The following KRT15 variants were observed in gnomAD, a reference collection of about 807,000 sequenced individuals.
The protein encoded by KRT15 is keratin, type I cytoskeletal 15.
A neutral mutation model predicts 46.6 loss-of-function variants in KRT15; 45 were observed. The observed-to-expected ratio is 0.97, with a 90% CI of 0.76 to 1.24. The LOEUF is 1.24. KRT15 is among the 50% of genes most tolerant of loss of function. The pLI is 0.00. For synonymous variants in KRT15, 221 were observed against 233.8 expected, an observed-to-expected ratio of 0.95 and a Z score of 0.50; for missense variants, 592 against 588.9, an observed-to-expected ratio of 1.01 and a Z score of -0.05.
At position 41,518,388 on chromosome 17, in the gene KRT15, G is replaced by C; in HGVS notation, c.440C>G (p.Thr147Ser). The C allele has an allele frequency of 4.3e-6, 7 of 1,614,016 alleles. No homozygotes were observed. Among genetic ancestry groups the C allele is most frequent in the Non-Finnish European group, 5.9e-6 (7 of 1,179,974 alleles). Residue 147 changes from threonine (T) to serine (S), a missense_variant, in exon 1 of 8, where the codon ACC (threonine) becomes AGC (serine). Thr to Ser is a moderately conservative substitution (Grantham distance 58). Transcript: ENST00000254043. Reference protein sequence around the residue: ...IHDWYQKQTPTSPECDYSQYF... With the variant: ...IHDWYQKQTPSSPECDYSQYF... ...TTGGCTGTAGTCGCATTCTGGGCTG[G>C]TTGGGGTCTGCTTCTGGTACCAGTC... is the stretch of plus-strand genomic sequence containing the variant.
chr17:41,516,829 G>T lies in KRT15; in HGVS notation c.717C>A (p.Tyr239Ter), dbSNP rs778754977. 6.2e-7 allele frequency: 1 copy of T among 1,614,212 alleles called. No individual in the cohort carries two copies. Among genetic ancestry groups the T allele is most frequent in the Non-Finnish European group, 8.5e-7 (1 of 1,180,042 alleles). ...QIEGLNEELA[Y>*]LKKNHEEEMK... ...TCACCTCTTCGTGGTTCTTCTTCAG[G>T]TAGGCTAGCTCCTCATTCAGGCCCT... The change falls in exon 3 of 8, where the codon TAC becomes TAA. Residue 239 changes from tyrosine to a stop codon, truncating the protein, a stop_gained. Transcript: ENST00000254043. LOFTEE classifies it high-confidence loss of function.
At position 41,515,642 on chromosome 17, in the gene KRT15, C is replaced by T. The variant is rs760125731; in HGVS notation, c.1077G>A (p.Thr359=). 21 of 1,614,188 alleles carry T rather than the reference C, an allele frequency of 1.3e-5. No homozygotes were observed. In the East Asian group the frequency reaches 1.6e-4, roughly 12 times the overall value. The change falls in exon 6 of 8, where the codon ACG becomes ACA. Residue 359 remains threonine, a synonymous_variant. Transcript: ENST00000254043. ...SLAETECRYA[T]QLQQIQGLIG... ...TGAGCCCCTGGATCTGCTGCAGCTGCGTGGCATAGCGGCACTCTGTCTCGG... is the reference window on the plus strand; with the variant it reads ...TGAGCCCCTGGATCTGCTGCAGCTGTGTGGCATAGCGGCACTCTGTCTCGG...
In KRT15 at chr17:41,516,250, TGAA is replaced by T; in HGVS notation, c.751_753del (p.Phe251del). The T allele has an allele frequency of 6.2e-7, 1 of 1,613,592 alleles. No individual in the cohort carries two copies. The highest frequency in any genetic ancestry group is 1.1e-5 in the South Asian group (1 of 91,060). The stretch of plus-strand genomic sequence containing the variant: ...TTGACCTGGCCGGCCAGCTGGCTGC[TGAA>T]CTCCTTCATCTCCTGCAGGATGGGA... On this transcript the variant is annotated inframe_deletion, in exon 4 of 8. Coordinates refer to ENST00000254043, the MANE Select transcript of KRT15 (RefSeq NM_002275.4).
In KRT15 at chr17:41,517,075, G is replaced by A. The variant is rs191043255; in HGVS notation, c.581+8C>T. On this transcript the variant is annotated splice_region_variant and intron_variant, in intron 2 of 7. Transcript: ENST00000254043. The stretch of plus-strand genomic sequence containing the variant: ...ATGCAGGAAGAGGAGAGAGACGGGG[G>A]AGCGCACTTGAGCCTGAAGTCGTCC... 3.1e-6 allele frequency: 5 copies of A among 1,614,172 alleles called. No homozygotes were observed. Among genetic ancestry groups the A allele is most frequent in the Non-Finnish European group, 4.2e-6 (5 of 1,179,996 alleles).
chr17:41,513,834 C>T lies in KRT15; in HGVS notation c.*189G>A. 1 of 592,214 alleles carries T rather than the reference C, an allele frequency of 1.7e-6. No individual in the cohort carries two copies. Among genetic ancestry groups the T allele is most frequent in the South Asian group, 1.9e-5 (1 of 52,252 alleles). 36.7% of individuals were successfully genotyped at this position (592,214 alleles called of 1,614,324 possible). A position where few individuals can be genotyped will look rare whatever the true frequency, so the allele number is the denominator to read the frequency against. On this transcript the variant is annotated 3_prime_UTR_variant, in exon 8 of 8. Coordinates refer to ENST00000254043, the MANE Select transcript of KRT15 (RefSeq NM_002275.4). ...ACAATACAGCTGCATCTCCTTGCTCCAAAGAAGGTGGGGAGAGGCAGAGGG... is the reference window on the plus strand; with the variant it reads ...ACAATACAGCTGCATCTCCTTGCTCTAAAGAAGGTGGGGAGAGGCAGAGGG...
In KRT15 at chr17:41,514,197, T is replaced by A. The variant is rs1300186132; in HGVS notation, c.1274-77A>T. 6.0e-6 allele frequency: 7 copies of A among 1,157,092 alleles called. No individual in the cohort carries two copies. The Admixed American group carries it at 1.2e-4, about 20-fold the overall frequency. The allele number at this position is 1,157,092 out of a possible 1,614,324, so 71.7% of individuals were successfully genotyped here. A position where few individuals can be genotyped will look rare whatever the true frequency, so the allele number is the denominator to read the frequency against. On this transcript the variant is annotated intron_variant, in intron 7 of 7. Coordinates refer to ENST00000254043, the MANE Select transcript of KRT15 (RefSeq NM_002275.4). ...ACGGTGGCCAGGACCTTGGCGGGGC[T>A]CTGGGAAAACTAGACAGCACCCCTG...
chr17:41,515,137 G>T, intron 6 of KRT15: 1 of 357,364 alleles, frequency 2.8e-6, no homozygotes. Flanking sequence ...AAAGTGCTGG[G>T]ATTACAGGCA....
chr17:41,516,431 C>T (rs1905372662), intron 3 of KRT15, among the ~76,000 whole-genome samples, 166 bp from the exon 4 acceptor site: 1 of 152,178 alleles, frequency 6.6e-6, no homozygotes, highest in Non-Finnish European at 1.5e-5. Context: ...CTAAGGAGTT[C>T]TCTGCTGCTC....
intron 1 of KRT15, chr17:41,517,514 A>C (rs938093444): frequency 6.3e-6 from 2 of 316,182 alleles, no homozygotes; most frequent in Non-Finnish European, 1.2e-5. Flanking sequence ...TCTCAGAGAC[A>C]CTCCACCAGC....
Position 41,518,753 on chromosome 17 carries a change from A to T in KRT15, c.75T>A (p.Ala25=), listed in dbSNP as rs781603863. 7.7e-7 allele frequency: 1 copy of T among 1,306,294 alleles called. No homozygotes were observed. Among genetic ancestry groups the T allele is most frequent in the Non-Finnish European group, 1.0e-6 (1 of 986,696 alleles). 80.9% of individuals were successfully genotyped at this position (1,306,294 alleles called of 1,614,324 possible). A position where few individuals can be genotyped will look rare whatever the true frequency, so the allele number is the denominator to read the frequency against. ...TCCCCCCACCAAAGCCACCTCCCCC[A>T]GCCAGGAGGGAACCCCCTCGGGTTG... The part of the protein sequence containing the change: ...GGSTRGGSLL[A]GGGGFGGGSL... Residue 25 remains alanine (A), a synonymous_variant, in exon 1 of 8, where the codon GCT becomes GCA. Transcript: ENST00000254043.
intron 5 of KRT15, 79 bp from the exon 6 acceptor site, chr17:41,515,771 G>A: frequency 1.3e-6 from 2 of 1,594,676 alleles, no homozygotes; most frequent in Non-Finnish European, 1.7e-6. Flanking sequence ...GGCACTGAAT[G>A]GAGTTCAGGG....
At chr17:41,515,799 G>T (rs1357115100) in intron 5 of KRT15, 86 bp downstream of exon 5, 5 of 1,605,296 alleles carry the variant, frequency 3.1e-6, no homozygotes, top group East Asian at 4.5e-5. Context: ...TCTTGAGGGG[G>T]CTTGAGAACT....
rs1567718027 is a variant in KRT15, at chr17:41,515,559, T to C, written c.1160A>G (p.Gln387Arg). The C allele has an allele frequency of 6.2e-7, 1 of 1,614,172 alleles. No individual in the cohort carries two copies. The highest frequency in any genetic ancestry group is 8.5e-7 in the Non-Finnish European group (1 of 1,180,042). Residue 387 changes from glutamine (Q) to arginine (R), a missense_variant, in exon 6 of 8, where the codon CAG becomes CGG. By Grantham distance (43) the Gln-to-Arg change is conservative. Transcript: ENST00000254043. ...ELRCEMEAQN[Q>R]EYKMLLDIKT... The stretch of plus-strand genomic sequence containing the variant: ...TATGTCAAGCAGCATCTTGTACTCC[T>C]GGTTCTGAGCCTCCATCTCGCATCG...
chr17:41,518,861 A>C lies in KRT15; in HGVS notation c.-34T>G. ...AGCTGGAGCCCGTGAGTTCTCAGCA[A>C]ACCCAAGAGATGCTGGCAGGAGGTA... On this transcript the variant is annotated 5_prime_UTR_variant, in exon 1 of 8. Coordinates refer to ENST00000254043, the MANE Select transcript of KRT15 (RefSeq NM_002275.4). The C allele has an allele frequency of 6.6e-7, 1 of 1,518,884 alleles. No homozygotes were observed. The allele number at this position is 1,518,884 out of a possible 1,614,324, so 94.1% of individuals were successfully genotyped here. A position where few individuals can be genotyped will look rare whatever the true frequency, so the allele number is the denominator to read the frequency against.
chr17:41,515,504 A>C lies in KRT15; in HGVS notation c.1215T>G (p.Thr405=). ...CCTGGCCCTCGAGCAGGCTGCGGTA[A>C]GTAGCGATCTCCTGCTCCAGCCGTG... The part of the protein sequence containing the change: ...IKTRLEQEIA[T]YRSLLEGQDA... The change falls in exon 6 of 8, where the codon ACT becomes ACG. Residue 405 remains threonine, a synonymous_variant. Transcript: ENST00000254043. 2.5e-6 allele frequency: 4 copies of C among 1,613,836 alleles called. No homozygotes were observed. The highest frequency in any genetic ancestry group is 3.4e-6 in the Non-Finnish European group (4 of 1,180,032).
In KRT15 at chr17:41,517,154, G is replaced by A. The variant is rs182080944; in HGVS notation, c.510C>T (p.Thr170=). 3 of 1,614,102 alleles carry A rather than the reference G, an allele frequency of 1.9e-6. No individual in the cohort carries two copies. The highest frequency in any genetic ancestry group is 2.2e-5 in the East Asian group (1 of 44,886). The stretch of plus-strand genomic sequence containing the variant: ...GGATGACCCGGGAGTTGTCGATGGT[G>A]GTGGCCATGATCTGCAGGAGACAGA... ...IEELRDKIMA[T]TIDNSRVILE... The change falls in exon 2 of 8, where the codon ACC becomes ACT. Residue 170 remains threonine (T), a synonymous_variant. Transcript: ENST00000254043.
chr17:41,514,442 A>C (rs2144517890), intron 7 of KRT15: 1 of 608,184 alleles, frequency 1.6e-6, no homozygotes, highest in East Asian at 2.8e-5. Flanking sequence ...AAGCCTACTC[A>C]ACCTGGAAGT....
At chr17:41,515,111 C>T in intron 6 of KRT15, 1 of 314,754 alleles carries the variant, frequency 3.2e-6, no homozygotes, top group South Asian at 4.3e-5. Flanking sequence ...AAGTGATCCA[C>T]CCGCCTTGGA....
rs747228344 is a variant in KRT15 at position 41,518,846 on chromosome 17, C to G, written c.-19G>C. On this transcript the variant is annotated 5_prime_UTR_variant, in exon 1 of 8. Transcript: ENST00000254043. ...TGGTCATGGCCAGGTAGCTGGAGCC[C>G]GTGAGTTCTCAGCAAACCCAAGAGA... 9 of 1,528,194 alleles carry G rather than the reference C, an allele frequency of 5.9e-6. No homozygotes were observed. Among genetic ancestry groups the G allele is most frequent in the Non-Finnish European group, 7.9e-6 (9 of 1,142,972 alleles). 94.7% of individuals were successfully genotyped at this position (1,528,194 alleles called of 1,614,324 possible).
Sources: gnomAD v4.1 joint callset for allele counts (sites outside exome capture counted in the v4.1 genomes callset) on GRCh38, gnomAD v4.1.1 for gene constraint, MANE v1.5 for transcripts, NCBI Gene and HGNC (gene_info 2026-07-23, HGNC 2026-07-21) for gene names.